ZNF638: variants seen among roughly 807,000 people sequenced by gnomAD.
ZNF638 encodes the protein zinc finger protein 638.
Under a neutral mutation model 195.6 loss-of-function variants are expected in ZNF638, and 46 were observed. The observed-to-expected ratio is 0.24, with a 90% confidence interval of 0.19 to 0.30. ZNF638 has a LOEUF of 0.30. Among genes scored for constraint, ZNF638 ranks in the 10% least tolerant of loss-of-function variants. ZNF638 has a pLI of 1.00. For missense variants in ZNF638, 2,440 were observed against 2,325.3 expected (o/e 1.05, Z -1.01); for synonymous variants, 845 against 772.0 (o/e 1.09, Z -1.57).
intron 27 of ZNF638, 82 bp downstream of exon 27, chr2:71,433,365 T>TCC (rs34126477): frequency 1.0e-5 from 10 of 979,804 alleles, no homozygotes; most frequent in African/African-American, 8.1e-5. Context: ...AACGTACATT[T>TCC]CCCCCCGCTT....
chr2:71,403,510 A>G (rs888157637), intron 16 of ZNF638, among the ~76,000 whole-genome samples: 1 of 152,174 alleles, frequency 6.6e-6, no homozygotes, highest in African/African-American at 2.4e-5. Flanking sequence ...TATTTACTCA[A>G]GAAATACTAA....
chr2:71,426,801 A>G lies in ZNF638; in HGVS notation c.4932A>G (p.Thr1644=), dbSNP rs751008493. Residue 1644 remains threonine (T), a synonymous_variant, in exon 24 of 28, where the codon ACA becomes ACG. Coordinates refer to ENST00000264447, the MANE Select transcript of ZNF638 (RefSeq NM_014497.5). ...TAAAAAATTCAAATTCACTTTTTAC[A>G]TTAGATGAATTAATTGACCAAGATG... ...EMVKNSNSLF[T]LDELIDQDDC... 1 of 1,613,384 alleles carries G rather than the reference A, an allele frequency of 6.2e-7. No homozygotes were observed. The highest frequency in any genetic ancestry group is 8.5e-7 in the Non-Finnish European group (1 of 1,179,574).
intron 10 of ZNF638, among the ~76,000 whole-genome samples, chr2:71,385,363 GC>G (rs2079615742): frequency 1.3e-5 from 2 of 152,234 alleles, no homozygotes; most frequent in Middle Eastern, 3.4e-3. Flanking sequence ...GTTTATAATT[GC>G]CCCAAACTGG....
At position 71,422,971 on chromosome 2, in the gene ZNF638, A is replaced by G. The variant is rs1304156155; in HGVS notation, c.3457A>G (p.Lys1153Glu). 3.1e-6 allele frequency: 5 copies of G among 1,614,036 alleles called. No individual in the cohort carries two copies. Among genetic ancestry groups the G allele is most frequent in the Non-Finnish European group, 4.2e-6 (5 of 1,179,998 alleles). Residue 1153 changes from lysine (K) to glutamate (E), a missense_variant, in exon 22 of 28, where the codon AAA becomes GAA. By Grantham distance (56) the Lys-to-Glu change is moderately conservative. Coordinates refer to ENST00000264447, the MANE Select transcript of ZNF638 (RefSeq NM_014497.5). ...AGAGCCTTGTGAGGAAGAAGCTGAA[A>G]AAGCAACATGTGATTCTGACTTTGC... Reference protein sequence around the residue: ...QEEPCEEEAEKATCDSDFAVE... With the variant: ...QEEPCEEEAEEATCDSDFAVE...
chr2:71,350,709 T>C (rs954327365), intron 2 of ZNF638, among the ~76,000 whole-genome samples: 3 of 152,224 alleles, frequency 2.0e-5, no homozygotes, highest in African/African-American at 7.2e-5. Flanking sequence ...TACACCTGTC[T>C]TGGGATAAAG....
rs960783977 is a variant in ZNF638 at position 71,399,553 on chromosome 2, T to C, written c.2501-6T>C. ...TTAGAATAATGGCTGACTGTACTTT[T>C]ACAAGCAAAATCTGGTGGAAAGAAG... On this transcript the variant is annotated splice_region_variant and splice_polypyrimidine_tract_variant and intron_variant, in intron 12 of 27. Transcript: ENST00000264447. The C allele has an allele frequency of 1.9e-6, 3 of 1,602,518 alleles. No individual in the cohort carries two copies. The highest frequency in any genetic ancestry group is 1.7e-5 in the Admixed American group (1 of 59,094).
intron 22 of ZNF638, 125 bp downstream of exon 22, chr2:71,424,163 C>T: frequency 7.7e-7 from 1 of 1,297,824 alleles, no homozygotes; most frequent in Non-Finnish European, 1.0e-6. Flanking sequence ...CCGGAAGCTC[C>T]CATTTCCTTT....
intron 8 of ZNF638, among the ~76,000 whole-genome samples, chr2:71,378,956 T>TA (rs1006191327): frequency 2.0e-5 from 3 of 152,314 alleles, no homozygotes; most frequent in Admixed American, 2.0e-4. Flanking sequence ...AGGTAGAACA[T>TA]ACGTTGTAAA....
At chr2:71,398,623 T>A in intron 11 of ZNF638, 78 bp from the exon 12 acceptor site, 2 of 1,162,320 alleles carry the variant, frequency 1.7e-6, no homozygotes, top group Admixed American at 3.6e-5. Flanking sequence ...TTCTTACATC[T>A]TTTTCTCTGT....
chr2:71,390,499 A>G (rs938572909), intron 10 of ZNF638, among the ~76,000 whole-genome samples: 2 of 152,172 alleles, frequency 1.3e-5, no homozygotes, highest in African/African-American at 4.8e-5. Context: ...AGATTGAGGT[A>G]TTAGTTATGA....
At chr2:71,382,447 C>T (rs972402425) in intron 10 of ZNF638, among the ~76,000 whole-genome samples, 2 of 152,062 alleles carry the variant, frequency 1.3e-5, no homozygotes, top group Non-Finnish European at 1.5e-5. Flanking sequence ...TTTTGAGATC[C>T]GCTCAGATTG....
At position 71,423,864 on chromosome 2, in the gene ZNF638, A is replaced by G; in HGVS notation, c.4350A>G (p.Ala1450=). The G allele has an allele frequency of 6.2e-7, 1 of 1,614,138 alleles. No homozygotes were observed. The highest frequency in any genetic ancestry group is 2.2e-5 in the East Asian group (1 of 44,892). The change falls in exon 22 of 28, where the codon GCA becomes GCG. Residue 1450 remains alanine, a synonymous_variant. Transcript: ENST00000264447. ...LKPTSARSGL[A]ESSSKFKPTQ... is the part of the protein sequence containing the mutation. ...CCACAAGTGCCAGGTCAGGCTTGGC[A>G]GAAAGCAGCAGTAAATTCAAACCTA...
chr2:71,414,673 G>T (rs1252694659), intron 20 of ZNF638, among the ~76,000 whole-genome samples: 15 of 103,958 alleles, frequency 1.4e-4, no homozygotes, highest in African/African-American at 4.2e-4. Context: ...TCTGGTATGT[G>T]GTGTCTTTGT....
In ZNF638 at chr2:71,349,223, A is replaced by G; in HGVS notation, c.269A>G (p.His90Arg). The change falls in exon 2 of 28, where the codon CAT becomes CGT. Residue 90 changes from histidine to arginine, a missense_variant. This residue lies in a region of ZNF638 where 191 missense variants were observed against 173.8 expected (regional missense o/e 1.10). Coordinates refer to ENST00000264447, the MANE Select transcript of ZNF638 (RefSeq NM_014497.5). ...PRLTKEKLDF[H>R]EAQQKKGKPH... ...TTGACCAAAGAAAAACTGGATTTTC[A>G]TGAAGCACAACAGAAGAAGGGGAAG... The G allele has an allele frequency of 6.2e-7, 1 of 1,614,230 alleles. No homozygotes were observed. The highest frequency in any genetic ancestry group is 8.5e-7 in the Non-Finnish European group (1 of 1,180,044).
In ZNF638 at chr2:71,423,905, C is replaced by T. The variant is rs773039335; in HGVS notation, c.4391C>T (p.Thr1464Ile). The T allele has an allele frequency of 6.2e-7, 1 of 1,614,024 alleles. No homozygotes were observed. ...SKFKPTQSSL[T>I]RGGSGRISAL... Reference sequence around the variant, plus strand: ...TTCAAACCTACTCAGAGCAGTCTTACCAGAGGAGGCAGTGGAAGGATCTCA... The same window carrying T: ...TTCAAACCTACTCAGAGCAGTCTTATCAGAGGAGGCAGTGGAAGGATCTCA... The change falls in exon 22 of 28, where the codon ACC (threonine) becomes ATC (isoleucine). Residue 1464 changes from threonine to isoleucine, a missense_variant. Physicochemically the swap from Thr to Ile is moderately conservative, Grantham distance 89. Coordinates refer to ENST00000264447, the MANE Select transcript of ZNF638 (RefSeq NM_014497.5).
chr2:71,334,299 T>C (rs777958135), intron 1 of ZNF638, among the ~76,000 whole-genome samples: 1 of 152,234 alleles, frequency 6.6e-6, no homozygotes, highest in Non-Finnish European at 1.5e-5. Context: ...AAATGCCTTA[T>C]ATACTTAGAA....
At chr2:71,410,439 G>C (rs1480176246) in intron 20 of ZNF638, among the ~76,000 whole-genome samples, 2 of 151,828 alleles carry the variant, frequency 1.3e-5, no homozygotes, top group African/African-American at 2.4e-5. Context: ...TCAAACTTCT[G>C]GCCTGAAGTG....
intron 8 of ZNF638, among the ~76,000 whole-genome samples, chr2:71,378,451 A>G (rs2079476129): frequency 6.6e-6 from 1 of 152,218 alleles, no homozygotes; most frequent in Non-Finnish European, 1.5e-5. Context: ...ATGAAATTGC[A>G]TGAGAACAGT....
At chr2:71,389,575 A>G (rs924552907) in intron 10 of ZNF638, among the ~76,000 whole-genome samples, 2 of 152,186 alleles carry the variant, frequency 1.3e-5, no homozygotes, top group Non-Finnish European at 2.9e-5. Flanking sequence ...AACAGCTGCT[A>G]TGCTTCAGGG....
Sources: allele counts gnomAD v4.1 joint callset (sites outside exome capture counted in the v4.1 genomes callset), GRCh38; gene constraint gnomAD v4.1.1; regional missense constraint gnomAD v4.1.1; transcripts MANE v1.5; gene names NCBI Gene and HGNC (gene_info 2026-07-23, HGNC 2026-07-21).